Variants in CABLES1 observed in about 807,000 individuals in gnomAD.
CABLES1 encodes Cdk5 and Abl enzyme substrate 1.
Under a neutral mutation model 57.8 loss-of-function variants are expected in CABLES1, and 36 were observed. The observed-to-expected ratio is 0.62, with a 90% CI of 0.48 to 0.82. The LOEUF (loss-of-function observed/expected upper bound fraction) is 0.82. Ranked by LOEUF, CABLES1 falls within the 40% of genes least tolerant of loss-of-function variation. The pLI, the probability that CABLES1 is intolerant of heterozygous loss-of-function variation, is 0.00. For synonymous variants in CABLES1, 374 were observed against 363.0 expected (o/e 1.03, Z -0.35); for missense variants, 767 against 836.6 (o/e 0.92, Z 1.03).
chr18:23,197,942 G>C (rs2047296578), intron 3 of CABLES1: 4 of 152,188 alleles, frequency 2.6e-5, no homozygotes, highest in African/African-American at 9.7e-5. Flanking sequence ...TTTGCTGGGT[G>C]CCAGGCTCTA....
chr18:23,179,007 C>G (rs940087487), intron 1 of CABLES1, among the ~76,000 whole-genome samples: 1 of 152,140 alleles, frequency 6.6e-6, no homozygotes, highest in African/African-American at 2.4e-5. Context: ...GTTTCTTGGC[C>G]GGGCGTGGTG....
chr18:23,239,651 T>C (rs757032858), intron 7 of CABLES1, among the ~76,000 whole-genome samples: 13 of 152,214 alleles, frequency 8.5e-5, no homozygotes, highest in Non-Finnish European at 1.5e-4. Context: ...AATTCGCCTG[T>C]TGAACCAAGT....
At position 23,214,115 on chromosome 18, in the gene CABLES1, A is replaced by G. The variant is rs754546661; in HGVS notation, c.1088+61A>G. ...GTGAAAAGATCTCACACCAATGTAC[A>G]TAATGTGGCCATCCTTTCCATTTTC... On this transcript the variant is annotated intron_variant, in intron 4 of 9. Coordinates refer to ENST00000256925, the MANE Select transcript of CABLES1 (RefSeq NM_001100619.3). 4.9e-5 allele frequency: 57 copies of G among 1,171,586 alleles called. No homozygotes were observed. The East Asian group carries it at 9.7e-4, about 20-fold the overall frequency. 72.6% of individuals were successfully genotyped at this position (1,171,586 alleles called of 1,614,324 possible). A position where few individuals can be genotyped will look rare whatever the true frequency, so the allele number is the denominator to read the frequency against.
At chr18:23,204,099 C>A (rs2047345408) in intron 3 of CABLES1, among the ~76,000 whole-genome samples, 1 of 152,204 alleles carries the variant, frequency 6.6e-6, no homozygotes, top group African/African-American at 2.4e-5. Flanking sequence ...GTCCCCAGAG[C>A]TGCTCACAAG....
chr18:23,178,467 T>C (rs1568055507), intron 1 of CABLES1, among the ~76,000 whole-genome samples: 1 of 152,238 alleles, frequency 6.6e-6, no homozygotes, highest in Non-Finnish European at 1.5e-5. Context: ...CCAGGGACCC[T>C]GGGCATGTAC....
At chr18:23,246,643 G>C (rs552028947) in intron 7 of CABLES1, among the ~76,000 whole-genome samples, 1 of 151,458 alleles carries the variant, frequency 6.6e-6, no homozygotes, top group Non-Finnish European at 1.5e-5. Context: ...CGCCCACCTT[G>C]GCCTCCCAAA....
At chr18:23,208,616 T>C (rs1467173801) in intron 3 of CABLES1, among the ~76,000 whole-genome samples, 2 of 152,180 alleles carry the variant, frequency 1.3e-5, no homozygotes, top group South Asian at 2.1e-4. Flanking sequence ...ACAGCACTCA[T>C]AGTGTGGTGT....
chr18:23,220,403 T>C (rs922322632), intron 4 of CABLES1, among the ~76,000 whole-genome samples: 1 of 152,102 alleles, frequency 6.6e-6, no homozygotes, highest in Non-Finnish European at 1.5e-5. Flanking sequence ...ACCATTTTAC[T>C]TGAGGCTAGG....
At chr18:23,238,075 G>C (rs547716335) in intron 7 of CABLES1, among the ~76,000 whole-genome samples, 2 of 152,260 alleles carry the variant, frequency 1.3e-5, no homozygotes, top group Non-Finnish European at 2.9e-5. Flanking sequence ...TGGCGGGGCC[G>C]GCACAGCCGA....
chr18:23,228,716 G>C (rs1448433717), intron 4 of CABLES1, among the ~76,000 whole-genome samples: 1 of 66,568 alleles, frequency 1.5e-5, no homozygotes. Context: ...CCCCACCCCC[G>C]TGGGCCAGTT....
At chr18:23,248,538 T>TTTTTTTTTTTTTTTA (rs1555671608) in intron 7 of CABLES1, among the ~76,000 whole-genome samples, 4 of 93,602 alleles carry the variant, frequency 4.3e-5, no homozygotes, top group Non-Finnish European at 7.0e-5. Flanking sequence ...TTTTTTTTTT[T>TTTTTTTTTTTTTTTA]AAAAAAAGGC....
intron 1 of CABLES1, among the ~76,000 whole-genome samples, chr18:23,168,090 G>C (rs1005657648): frequency 6.6e-6 from 1 of 152,334 alleles, no homozygotes; most frequent in South Asian, 2.1e-4. Context: ...TCCAACCCCA[G>C]GGCAGCTGAT....
Position 23,228,426 on chromosome 18 carries a change from T to C in CABLES1, c.1089-6182T>C, listed in dbSNP as rs189307712. Among the ~76,000 whole-genome samples, 11 of 152,336 alleles carry C rather than the reference T, an allele frequency of 7.2e-5. No homozygotes were observed. The East Asian group carries it at 2.1e-3, about 29-fold the overall frequency. ...TCAGGTGACTCCACAGCTGTGCATG[T>C]GTGCTTTGTGCTGAAGAAGCCAAAA... On this transcript the variant is annotated intron_variant, in intron 4 of 9. Coordinates refer to ENST00000256925, the MANE Select transcript of CABLES1 (RefSeq NM_001100619.3).
intron 7 of CABLES1, among the ~76,000 whole-genome samples, chr18:23,248,541 A>ATTTTTTTTTTT: frequency 1.0e-5 from 1 of 99,854 alleles, no homozygotes; most frequent in Non-Finnish European, 2.1e-5. Context: ...TTTTTTTTAA[A>ATTTTTTTTTTT]AAAAGGCTGG....
chr18:23,140,068 T>C (rs2046848104), intron 1 of CABLES1, among the ~76,000 whole-genome samples: 1 of 152,162 alleles, frequency 6.6e-6, no homozygotes, highest in Non-Finnish European at 1.5e-5. Context: ...CAGACGGGAC[T>C]CCAGCACTGG....
At chr18:23,201,846 G>A (rs2047327344) in intron 3 of CABLES1, among the ~76,000 whole-genome samples, 1 of 152,206 alleles carries the variant, frequency 6.6e-6, no homozygotes, top group Non-Finnish European at 1.5e-5. Context: ...GGTTGGGGAA[G>A]GACACTCTGG....
intron 4 of CABLES1, among the ~76,000 whole-genome samples, chr18:23,226,429 G>T (rs2047528563): frequency 6.6e-6 from 1 of 151,296 alleles, no homozygotes; most frequent in Non-Finnish European, 1.5e-5. Flanking sequence ...GTTCCTGAGG[G>T]TCAAGCCTGG....
chr18:23,174,298 A>G (rs55671704), intron 1 of CABLES1, among the ~76,000 whole-genome samples: 11,088 of 152,182 alleles, frequency 0.073, 1,332 homozygotes, highest in African/African-American at 0.25. Context: ...GTTCCTTCTC[A>G]TGGCAGAATA....
intron 1 of CABLES1, among the ~76,000 whole-genome samples, chr18:23,147,391 G>A (rs892955846): frequency 1.3e-5 from 2 of 152,224 alleles, no homozygotes; most frequent in Non-Finnish European, 2.9e-5. Context: ...AGTACTTTTG[G>A]GGTGTTGCAA....
Sources: gnomAD v4.1 joint callset for allele counts (sites outside exome capture counted in the v4.1 genomes callset) on GRCh38, gnomAD v4.1.1 for gene constraint, MANE v1.5 for transcripts, NCBI Gene and HGNC (gene_info 2026-07-23, HGNC 2026-07-21) for gene names.